Variants in CSMD1 observed in about 807,000 individuals in gnomAD.
CSMD1 encodes the protein CUB and sushi domain-containing protein 1.
In CSMD1, 213 loss-of-function variants were observed where a neutral mutation model predicts 417.5. The observed-to-expected ratio is 0.51, with a 90% CI of 0.46 to 0.57. The LOEUF (loss-of-function observed/expected upper bound fraction) is 0.57, where lower values mean the gene tolerates loss of function less well. Ranked by LOEUF, CSMD1 falls within the 20% of genes least tolerant of loss-of-function variation. The pLI is 0.00. For synonymous variants in CSMD1, 2,862 were observed against 1,736.8 expected, an observed-to-expected ratio of 1.65 and a Z score of -16.11; for missense variants, 6,923 against 4,529.7, an observed-to-expected ratio of 1.53 and a Z score of -15.17.
At chr8:4,618,468 A>C (rs1213375322) in intron 2 of CSMD1, among the ~76,000 whole-genome samples, 2 of 152,122 alleles carry the variant, frequency 1.3e-5, no homozygotes, top group African/African-American at 4.8e-5. Flanking sequence ...GGCCTATTTT[A>C]TATTCTTGGT....
At chr8:3,606,152 A>T (rs73491448) in intron 8 of CSMD1, among the ~76,000 whole-genome samples, 1 of 152,214 alleles carries the variant, frequency 6.6e-6, no homozygotes, top group Non-Finnish European at 1.5e-5. Flanking sequence ...CTCGTTCTGC[A>T]GAGAGAAGCC....
intron 5 of CSMD1, among the ~76,000 whole-genome samples, chr8:3,915,684 G>C (rs35417734): frequency 6.6e-6 from 1 of 151,106 alleles, no homozygotes; most frequent in Non-Finnish European, 1.5e-5. Flanking sequence ...TAATAATGTA[G>C]AACTCTATCT....
chr8:4,186,547 A>T (rs1018601770), intron 3 of CSMD1, among the ~76,000 whole-genome samples: 3 of 152,206 alleles, frequency 2.0e-5, no homozygotes, highest in Non-Finnish European at 4.4e-5. Context: ...GCATTATACG[A>T]ATATAAAAGA....
intron 10 of CSMD1, among the ~76,000 whole-genome samples, chr8:3,516,875 C>G (rs1797303236): frequency 6.6e-6 from 1 of 152,202 alleles, no homozygotes; most frequent in African/African-American, 2.4e-5. Flanking sequence ...CTTGCACACA[C>G]ATGTTTATAG....
intron 10 of CSMD1, among the ~76,000 whole-genome samples, chr8:3,520,291 A>C (rs1354421538): frequency 2.0e-5 from 3 of 152,140 alleles, no homozygotes; most frequent in East Asian, 3.9e-4. Context: ...AACCTCCTCT[A>C]TTCCAAAATG....
intron 5 of CSMD1, among the ~76,000 whole-genome samples, chr8:3,879,849 G>T (rs919657121): frequency 6.6e-6 from 1 of 152,072 alleles, no homozygotes; most frequent in Non-Finnish European, 1.5e-5. Context: ...GTGTGTGTGT[G>T]TGTGTTGCGT....
chr8:4,319,707 T>A (rs1243694994), intron 3 of CSMD1, among the ~76,000 whole-genome samples: 2 of 151,982 alleles, frequency 1.3e-5, no homozygotes, highest in East Asian at 3.9e-4. Flanking sequence ...ATTTGGCAGT[T>A]CTTGGATTAG....
At chr8:4,065,984 T>C (rs759953384) in intron 3 of CSMD1, among the ~76,000 whole-genome samples, 4 of 152,070 alleles carry the variant, frequency 2.6e-5, no homozygotes, top group East Asian at 1.9e-4. Flanking sequence ...AAAAATAAAA[T>C]AGGGGAAGGA....
chr8:3,389,970 G>A (rs909443593), intron 17 of CSMD1, among the ~76,000 whole-genome samples: 32 of 152,236 alleles, frequency 2.1e-4, no homozygotes, highest in African/African-American at 7.2e-4. Context: ...GGACTGTTGA[G>A]TGGTAGAATT....
At chr8:4,780,751 CA>C (rs935044071) in intron 1 of CSMD1, among the ~76,000 whole-genome samples, 89 of 152,118 alleles carry the variant, frequency 5.9e-4, no homozygotes, top group African/African-American at 2.0e-3. Context: ...CCCCAAAATC[CA>C]TTGTATCATT....
intron 1 of CSMD1, among the ~76,000 whole-genome samples, chr8:4,663,559 T>A (rs776980787): frequency 3.9e-5 from 6 of 152,136 alleles, no homozygotes; most frequent in African/African-American, 7.2e-5. Context: ...GACCTGGCTG[T>A]TGAAAAGTGC....
intron 1 of CSMD1, among the ~76,000 whole-genome samples, chr8:4,747,114 G>A (rs180782682): frequency 2.2e-4 from 33 of 152,196 alleles, no homozygotes; most frequent in Admixed American, 6.5e-4. Flanking sequence ...AGGTGCTTTC[G>A]GCTCCTGCTC....
chr8:4,484,170 GGAGT>G (rs1415920736), intron 2 of CSMD1, among the ~76,000 whole-genome samples: 1 of 151,222 alleles, frequency 6.6e-6, no homozygotes, highest in African/African-American at 2.4e-5. Flanking sequence ...CCTTATCAGT[GGAGT>G]GATTGGACTG....
intron 11 of CSMD1, among the ~76,000 whole-genome samples, chr8:3,473,636 G>C (rs948867574): frequency 2.0e-5 from 3 of 152,132 alleles, no homozygotes; most frequent in Admixed American, 6.5e-5. Flanking sequence ...AAATAAAATA[G>C]ATACTGGCTT....
Position 3,188,900 on chromosome 8 carries a change from C to A in CSMD1, c.5510G>T (p.Gly1837Val). The A allele has an allele frequency of 1.3e-6, 2 of 1,576,742 alleles. No homozygotes were observed. Among genetic ancestry groups the A allele is most frequent in the Non-Finnish European group, 8.6e-7 (1 of 1,160,816 alleles). ...TCAAGGACTCACCTGAATTCCCGAG[C>A]CCTCCGTAACTATGATCTTCCATAT... ...NCIWKIIVTE[G>V]SGIQIQVISF... Residue 1837 changes from glycine to valine, a missense_variant, in exon 35 of 70, where the codon GGC becomes GTC. Coordinates refer to ENST00000635120, the MANE Select transcript of CSMD1 (RefSeq NM_033225.6).
chr8:3,747,771 T>C (rs1352067259), intron 6 of CSMD1, among the ~76,000 whole-genome samples: 1 of 152,204 alleles, frequency 6.6e-6, no homozygotes, highest in Non-Finnish European at 1.5e-5. Flanking sequence ...TCAATTCAGA[T>C]TTCCACCAAT....
rs115537972 is a variant in CSMD1, at chr8:4,446,158, C to G, written c.303-26093G>C. 4.6e-3 allele frequency among the ~76,000 whole-genome samples: 699 copies of G among 152,292 alleles called. 3 individuals carry two copies. Among genetic ancestry groups the G allele is most frequent in the African/African-American group, 0.016 (682 of 41,556 alleles). On this transcript the variant is annotated intron_variant, in intron 2 of 69. Coordinates refer to ENST00000635120, the MANE Select transcript of CSMD1 (RefSeq NM_033225.6). ...CATACGTGAGTTTTGAACTGAAACC[C>G]ATACTTCATAAATGACGCATCAAAG... is the stretch of plus-strand genomic sequence containing the variant.
chr8:4,167,022 T>A (rs1057161104), intron 3 of CSMD1, among the ~76,000 whole-genome samples: 1 of 152,194 alleles, frequency 6.6e-6, no homozygotes, highest in African/African-American at 2.4e-5. Context: ...TCTTTTTGTG[T>A]TTCCCAGGGG....
chr8:3,049,065 C>G (rs1028607376), intron 50 of CSMD1, among the ~76,000 whole-genome samples: 3 of 152,028 alleles, frequency 2.0e-5, no homozygotes, highest in Non-Finnish European at 2.9e-5. Flanking sequence ...TGGCCAAAAT[C>G]CAGACACTGA....
Sources: allele counts gnomAD v4.1 joint callset (sites outside exome capture counted in the v4.1 genomes callset), GRCh38; gene constraint gnomAD v4.1.1; transcripts MANE v1.5; gene names NCBI Gene and HGNC (gene_info 2026-07-23, HGNC 2026-07-21).